Variants in FAM169A observed in about 807,000 individuals in gnomAD.
FAM169A encodes the protein family with sequence similarity 169 member A, also known as soluble lamin-associated protein of 75 kDa.
A neutral mutation model predicts 75.7 loss-of-function variants in FAM169A; 24 were observed. The observed-to-expected ratio is 0.32, with a 90% CI of 0.23 to 0.45. The LOEUF (loss-of-function observed/expected upper bound fraction) is 0.45, where lower values mean the gene tolerates loss of function less well. Ranked by LOEUF, FAM169A falls within the 20% of genes least tolerant of loss-of-function variation. The pLI, the probability that FAM169A is intolerant of heterozygous loss-of-function variation, is 1.00. For missense variants in FAM169A, 673 were observed against 784.0 expected, an observed-to-expected ratio of 0.86 and a Z score of 1.69; for synonymous variants, 271 against 271.0, an observed-to-expected ratio of 1.00 and a Z score of 0.00.
chr5:74,780,686 C>T lies in FAM169A; in HGVS notation c.*774G>A, dbSNP rs1023569260. ...AAAGGTGAAAGTCTAAACTTCTAGG[C>T]GTCTGCACATATGCAGACAAAAAAA... On this transcript the variant is annotated 3_prime_UTR_variant, in exon 13 of 13. Coordinates refer to ENST00000687041, the MANE Select transcript of FAM169A (RefSeq NM_001376049.1). The T allele has an allele frequency of 6.6e-6, 1 of 152,140 alleles. No individual in the cohort carries two copies. The highest frequency in any genetic ancestry group is 1.5e-5 in the Non-Finnish European group (1 of 68,020). 9.4% of individuals were successfully genotyped at this position (152,140 alleles called of 1,614,324 possible).
At chr5:74,788,081 G>A (rs902255452) in intron 11 of FAM169A, among the ~76,000 whole-genome samples, 1 of 152,150 alleles carries the variant, frequency 6.6e-6, no homozygotes, top group Non-Finnish European at 1.5e-5. Context: ...AAAGGGAAAT[G>A]ATCAGACATT....
intron 11 of FAM169A, among the ~76,000 whole-genome samples, chr5:74,790,423 A>G (rs1021191643): frequency 1.1e-4 from 17 of 152,196 alleles, no homozygotes; most frequent in Admixed American, 1.0e-3. Context: ...ACTGCAGCCA[A>G]TGGTTTGGAT....
intron 3 of FAM169A, 131 bp from the exon 4 acceptor site, chr5:74,839,181 G>T: frequency 1.6e-6 from 1 of 644,112 alleles, no homozygotes; most frequent in Non-Finnish European, 2.7e-6. Context: ...TTACCAAATA[G>T]TAATATTGTA....
At chr5:74,788,138 G>A (rs191029708) in intron 11 of FAM169A, among the ~76,000 whole-genome samples, 1 of 152,290 alleles carries the variant, frequency 6.6e-6, no homozygotes, top group East Asian at 1.9e-4. Flanking sequence ...GATTCCGGGG[G>A]ACCCAAAACG....
chr5:74,862,411 G>A (rs62367767), intron 1 of FAM169A, among the ~76,000 whole-genome samples: 12,938 of 152,156 alleles, frequency 0.085, 685 homozygotes, highest in Admixed American at 0.17. Context: ...ACTGTCTCTC[G>A]TCATATCCCA....
At chr5:74,795,782 A>T (rs1746240436) in intron 11 of FAM169A, among the ~76,000 whole-genome samples, 1 of 152,220 alleles carries the variant, frequency 6.6e-6, no homozygotes, top group Non-Finnish European at 1.5e-5. Context: ...CTTACTAAAC[A>T]TCTCTATTTT....
At chr5:74,846,270 A>C (rs942238668) in intron 1 of FAM169A, among the ~76,000 whole-genome samples, 1 of 152,242 alleles carries the variant, frequency 6.6e-6, no homozygotes. Context: ...GATGAAACAC[A>C]TTTAAATTTT....
intron 5 of FAM169A, among the ~76,000 whole-genome samples, chr5:74,817,467 TAAC>T (rs1274195819): frequency 6.6e-6 from 1 of 151,906 alleles, no homozygotes; most frequent in Non-Finnish European, 1.5e-5. Flanking sequence ...AAAATAAATT[TAAC>T]AACAGACATA....
At chr5:74,816,998 G>T (rs1258241273) in intron 5 of FAM169A, among the ~76,000 whole-genome samples, 1 of 152,004 alleles carries the variant, frequency 6.6e-6, no homozygotes, top group Non-Finnish European at 1.5e-5. Context: ...AATAGCTGGA[G>T]AAAAAGCATT....
At chr5:74,799,438 G>T (rs1470969996) in intron 10 of FAM169A, 7 of 1,612,878 alleles carry the variant, frequency 4.3e-6, no homozygotes, top group Non-Finnish European at 5.9e-6. Flanking sequence ...CCTCAGCTTG[G>T]ATTGGCATCC....
At chr5:74,789,532 A>T (rs1352209818) in intron 11 of FAM169A, among the ~76,000 whole-genome samples, 1 of 152,208 alleles carries the variant, frequency 6.6e-6, no homozygotes, top group East Asian at 1.9e-4. Flanking sequence ...TTTGAGTGGG[A>T]TCCAGAACAG....
Position 74,781,906 on chromosome 5 carries a change from G to A in FAM169A, c.1567C>T (p.His523Tyr). The A allele has an allele frequency of 6.2e-7, 1 of 1,613,866 alleles. No individual in the cohort carries two copies. The highest frequency in any genetic ancestry group is 8.5e-7 in the Non-Finnish European group (1 of 1,179,796). The change falls in exon 13 of 13, where the codon CAT becomes TAT. Residue 523 changes from histidine (H) to tyrosine (Y), a missense_variant. Around this residue, in one of 3 missense-constraint regions of FAM169A, gnomAD observed 510 missense variants for 550.9 expected, o/e 0.93. Coordinates refer to ENST00000687041, the MANE Select transcript of FAM169A (RefSeq NM_001376049.1). ...KLSLLPRKKA[H>Y]LGSSDNVATM... ...GCAACATTGTCTGAACTCCCAAGAT[G>A]TGCTTTCTTTCTTGGAAGTAGGGAC... is the stretch of plus-strand genomic sequence containing the variant.
intron 11 of FAM169A, among the ~76,000 whole-genome samples, chr5:74,794,946 T>G (rs1489934235): frequency 6.6e-6 from 1 of 151,750 alleles, no homozygotes; most frequent in Non-Finnish European, 1.5e-5. Context: ...AAGCAGGAGC[T>G]AAATCAGAGT....
In FAM169A at chr5:74,779,307, T is replaced by C. The variant is rs1028004792; in HGVS notation, c.*2153A>G. On this transcript the variant is annotated 3_prime_UTR_variant, in exon 13 of 13. Transcript: ENST00000687041. ...CTACACTTGTCTAAAGAAAGTCTTTTAGTGCTCACTTCGGCAGCACATATA... is the reference window on the plus strand; with the variant it reads ...CTACACTTGTCTAAAGAAAGTCTTTCAGTGCTCACTTCGGCAGCACATATA... 1.3e-5 allele frequency: 2 copies of C among 152,166 alleles called. No homozygotes were observed. Among genetic ancestry groups the C allele is most frequent in the South Asian group, 2.1e-4 (1 of 4,828 alleles). The allele number at this position is 152,166 out of a possible 1,614,324, so 9.4% of individuals were successfully genotyped here.
rs1745188699 is a variant in FAM169A at position 74,777,637 on chromosome 5, A to G, written c.*3823T>C. 1 of 145,388 alleles carries G rather than the reference A, an allele frequency of 6.9e-6. No individual in the cohort carries two copies. Among genetic ancestry groups the G allele is most frequent in the Admixed American group, 6.7e-5 (1 of 14,948 alleles). The allele number at this position is 145,388 out of a possible 1,614,324, so 9.0% of individuals were successfully genotyped here. ...TCTTCAGAGTACAACCAATGTGATTAATTGTGCCTTTAACAAAGTCATTCA... is the reference window on the plus strand; with the variant it reads ...TCTTCAGAGTACAACCAATGTGATTGATTGTGCCTTTAACAAAGTCATTCA... On this transcript the variant is annotated 3_prime_UTR_variant, in exon 13 of 13. Transcript: ENST00000687041.
At chr5:74,812,697 T>C (rs888641501) in intron 6 of FAM169A, among the ~76,000 whole-genome samples, 1 of 152,076 alleles carries the variant, frequency 6.6e-6, no homozygotes, top group East Asian at 1.9e-4. Context: ...AAAGAAGATA[T>C]ACAAATAACC....
chr5:74,820,763 G>A (rs909842957), intron 5 of FAM169A, among the ~76,000 whole-genome samples: 1 of 152,080 alleles, frequency 6.6e-6, no homozygotes, highest in Non-Finnish European at 1.5e-5. Context: ...CAAACCAGAT[G>A]TTACTCCTAT....
chr5:74,793,658 G>T (rs1478875405), intron 11 of FAM169A, among the ~76,000 whole-genome samples: 2 of 152,016 alleles, frequency 1.3e-5, no homozygotes, highest in Non-Finnish European at 2.9e-5. Flanking sequence ...CACCACTAAT[G>T]AATTTATCCA....
At chr5:74,864,859 TCCAAAACAA>T (rs1750231260) in intron 1 of FAM169A, among the ~76,000 whole-genome samples, 1 of 152,180 alleles carries the variant, frequency 6.6e-6, no homozygotes, top group Non-Finnish European at 1.5e-5. Context: ...TTGCCTTTCC[TCCAAAACAA>T]GCAAAACTAA....
Sources: allele counts gnomAD v4.1 joint callset (sites outside exome capture counted in the v4.1 genomes callset), GRCh38; gene constraint gnomAD v4.1.1; regional missense constraint gnomAD v4.1.1; transcripts MANE v1.5; gene names NCBI Gene and HGNC (gene_info 2026-07-23, HGNC 2026-07-21).